H6PD: variants seen among roughly 807,000 people sequenced by gnomAD.
H6PD encodes hexose-6-phosphate dehydrogenase/glucose 1-dehydrogenase, also known as GDH/6PGL endoplasmic bifunctional protein.
In H6PD, 48 loss-of-function variants were observed where a neutral mutation model predicts 61.2. The observed-to-expected ratio is 0.78, with a 90% confidence interval of 0.62 to 1.00. The LOEUF (loss-of-function observed/expected upper bound fraction) is 1.00, where lower values mean the gene tolerates loss of function less well. H6PD is among the 50% of genes least tolerant of loss of function. The pLI, the probability that H6PD is intolerant of heterozygous loss-of-function variation, is 0.00. For missense variants in H6PD, 1,093 were observed against 1,065.0 expected (o/e 1.03, Z -0.37); for synonymous variants, 480 against 457.9 (o/e 1.05, Z -0.62).
chr1:9,253,005 C>T (rs188594912), intron 3 of H6PD, among the ~76,000 whole-genome samples: 14 of 152,288 alleles, frequency 9.2e-5, no homozygotes, highest in Non-Finnish European at 1.8e-4. Context: ...CAATATAGAT[C>T]ATTTTTAGGA....
Position 9,263,606 on chromosome 1 carries a change from C to T in H6PD, c.1113C>T (p.Ile371=). The change falls in exon 5 of 5, where the codon ATC becomes ATT. Residue 371 remains isoleucine, a synonymous_variant. Coordinates refer to ENST00000377403, the MANE Select transcript of H6PD (RefSeq NM_004285.4). ...ALDERVGYAR[I]LFKNQACCVQ... ...ACGAGAGAGTGGGCTACGCTCGGAT[C>T]TTGTTCAAGAACCAGGCCTGCTGTG... is the stretch of plus-strand genomic sequence containing the variant. The T allele has an allele frequency of 6.2e-7, 1 of 1,613,966 alleles. No individual in the cohort carries two copies. Among genetic ancestry groups the T allele is most frequent in the Non-Finnish European group, 8.5e-7 (1 of 1,179,778 alleles).
intron 4 of H6PD, among the ~76,000 whole-genome samples, chr1:9,262,803 A>G (rs745814470): frequency 1.3e-5 from 2 of 152,358 alleles, no homozygotes; most frequent in East Asian, 1.9e-4. Context: ...TAAGAGCCAC[A>G]GCTGCCTGTT....
chr1:9,253,604 C>T (rs1641433517), intron 3 of H6PD, among the ~76,000 whole-genome samples: 1 of 152,188 alleles, frequency 6.6e-6, no homozygotes, highest in Non-Finnish European at 1.5e-5. Context: ...ATGCTTCCGC[C>T]ACTGATGGCA....
At chr1:9,258,322 C>T (rs1366076290) in intron 3 of H6PD, among the ~76,000 whole-genome samples, 2 of 152,132 alleles carry the variant, frequency 1.3e-5, no homozygotes, top group African/African-American at 2.4e-5. Flanking sequence ...GATATTGTTA[C>T]GCCAGGGTTG....
chr1:9,247,527 A>G (rs1641219892), intron 3 of H6PD, among the ~76,000 whole-genome samples: 1 of 151,310 alleles, frequency 6.6e-6, no homozygotes, highest in South Asian at 2.1e-4. Context: ...ATGGCCCTCC[A>G]GGAAGACTTT....
At position 9,270,429 on chromosome 1, in the gene H6PD, T is replaced by G. The variant is rs879819298; in HGVS notation, c.*5560T>G. On this transcript the variant is annotated 3_prime_UTR_variant, in exon 5 of 5. Transcript: ENST00000377403. Reference sequence around the variant, plus strand: ...CTGTTATAAAGCGTTACGGGGCGCCTGCATGCAGGAGGAAGGACCTGTATT... The same window carrying G: ...CTGTTATAAAGCGTTACGGGGCGCCGGCATGCAGGAGGAAGGACCTGTATT... 1.1e-4 allele frequency: 16 copies of G among 152,220 alleles called. No individual in the cohort carries two copies. The highest frequency in any genetic ancestry group is 9.8e-4 in the Admixed American group (15 of 15,274). The allele number at this position is 152,220 out of a possible 1,614,324, so 9.4% of individuals were successfully genotyped here.
chr1:9,256,781 G>C (rs1203834278), intron 3 of H6PD, among the ~76,000 whole-genome samples: 1 of 152,148 alleles, frequency 6.6e-6, no homozygotes, highest in Non-Finnish European at 1.5e-5. Flanking sequence ...TTTTAAAAAA[G>C]AATTTGATTC....
Position 9,266,225 on chromosome 1 carries a change from G to A in H6PD, c.*1356G>A, listed in dbSNP as rs574568680. 1 of 152,492 alleles carries A rather than the reference G, an allele frequency of 6.6e-6. No homozygotes were observed. Among genetic ancestry groups the A allele is most frequent in the Non-Finnish European group, 1.5e-5 (1 of 68,162 alleles). 9.4% of individuals were successfully genotyped at this position (152,492 alleles called of 1,614,324 possible). On this transcript the variant is annotated 3_prime_UTR_variant, in exon 5 of 5. Transcript: ENST00000377403. ...AGCCTTTTCAGGGGCTCGCTTGGCG[G>A]GTGACGGGGCCGCAGCCAGGCCTTC...
At chr1:9,236,107 G>A (rs999175063) in intron 1 of H6PD, among the ~76,000 whole-genome samples, 7 of 152,118 alleles carry the variant, frequency 4.6e-5, no homozygotes, top group Admixed American at 3.9e-4. Context: ...TTCCACCTCA[G>A]CCTCCTGAGT....
Position 9,267,203 on chromosome 1 carries a change from GC to G in H6PD, c.*2337del, listed in dbSNP as rs1243843995. The G allele has an allele frequency of 6.6e-6, 1 of 152,176 alleles. No individual in the cohort carries two copies. The highest frequency in any genetic ancestry group is 1.5e-5 in the Non-Finnish European group (1 of 68,074). 9.4% of individuals were successfully genotyped at this position (152,176 alleles called of 1,614,324 possible). A position where few individuals can be genotyped will look rare whatever the true frequency, so the allele number is the denominator to read the frequency against. On this transcript the variant is annotated 3_prime_UTR_variant, in exon 5 of 5. Transcript: ENST00000377403. ...AGAGCCAGGAAGCCGCCCTCCTGGCGCCCAGCATCTGAGCTTCTACACGTGA... is the reference window on the plus strand; with the variant it reads ...AGAGCCAGGAAGCCGCCCTCCTGGCGCCAGCATCTGAGCTTCTACACGTGA...
chr1:9,242,133 G>A (rs1185057464), intron 1 of H6PD, among the ~76,000 whole-genome samples: 1 of 152,140 alleles, frequency 6.6e-6, no homozygotes, highest in Non-Finnish European at 1.5e-5. Flanking sequence ...CGAGGACCGC[G>A]TGTTTGTTCT....
In H6PD at chr1:9,237,236, C is replaced by CTTTTTTTTTTTTTTTTTTTTTTTT. The variant is rs370751354; in HGVS notation, c.-11+2173_-11+2196dup. ...ACCTTTGGTAAGTTATTTGACTTCT[C>CTTTTTTTTTTTTTTTTTTTTTTTT]TTTTTTTTTTTTTTTTTTTTTTTTT... On this transcript the variant is annotated intron_variant, in intron 1 of 4. Transcript: ENST00000377403. 9.8e-5 allele frequency among the ~76,000 whole-genome samples: 7 copies of CTTTTTTTTTTTTTTTTTTTTTTTT among 71,080 alleles called. 2 individuals are homozygous for CTTTTTTTTTTTTTTTTTTTTTTTT. Among genetic ancestry groups the CTTTTTTTTTTTTTTTTTTTTTTTT allele is most frequent in the East Asian group, 5.3e-4 (1 of 1,904 alleles). The allele number at this position is 71,080 out of a possible 152,430, so 46.6% of individuals were successfully genotyped here.
intron 3 of H6PD, among the ~76,000 whole-genome samples, chr1:9,258,625 T>C (rs1369005132): frequency 4.0e-5 from 6 of 150,914 alleles, no homozygotes; most frequent in Non-Finnish European, 7.4e-5. Flanking sequence ...ATGTTGCTGT[T>C]ATGCCGGTGT....
chr1:9,244,376 C>G (rs140712393), intron 1 of H6PD, among the ~76,000 whole-genome samples: 1 of 152,336 alleles, frequency 6.6e-6, no homozygotes, highest in East Asian at 1.9e-4. Flanking sequence ...GGCAGTTAGT[C>G]TGGAGTCCAT....
intron 3 of H6PD, among the ~76,000 whole-genome samples, chr1:9,260,928 C>A (rs1462461412): frequency 6.6e-6 from 1 of 152,074 alleles, no homozygotes; most frequent in Non-Finnish European, 1.5e-5. Flanking sequence ...ACTGCCCATC[C>A]CTCTGCTCAG....
At chr1:9,235,379 C>T (rs1640823752) in intron 1 of H6PD, among the ~76,000 whole-genome samples, 1 of 152,058 alleles carries the variant, frequency 6.6e-6, no homozygotes, top group Non-Finnish European at 1.5e-5. Context: ...TTCCCGTACC[C>T]GGATCTAGTG....
In H6PD at chr1:9,265,352, C is replaced by A; in HGVS notation, c.*483C>A. 3.8e-6 allele frequency: 1 copy of A among 261,122 alleles called. No homozygotes were observed. Among genetic ancestry groups the A allele is most frequent in the Non-Finnish European group, 7.5e-6 (1 of 133,882 alleles). The allele number at this position is 261,122 out of a possible 1,614,324, so 16.2% of individuals were successfully genotyped here. A position where few individuals can be genotyped will look rare whatever the true frequency, so the allele number is the denominator to read the frequency against. ...AGGCGCCCAGGGGAGTACATTGCCC[C>A]GTGCAAAGCAGGGGCATTGGGGACT... On this transcript the variant is annotated 3_prime_UTR_variant, in exon 5 of 5. Coordinates refer to ENST00000377403, the MANE Select transcript of H6PD (RefSeq NM_004285.4).
chr1:9,257,582 G>A (rs1641558757), intron 3 of H6PD, among the ~76,000 whole-genome samples: 3 of 152,154 alleles, frequency 2.0e-5, no homozygotes. Context: ...GCTGTGTTAG[G>A]GGCTAGGGAT....
At chr1:9,263,229 C>G (rs912784999) in intron 4 of H6PD, among the ~76,000 whole-genome samples, 4 of 152,210 alleles carry the variant, frequency 2.6e-5, no homozygotes, top group African/African-American at 7.2e-5. Context: ...GTTGGATGCT[C>G]TCAGCCCGGT....
Sources: allele counts gnomAD v4.1 joint callset (sites outside exome capture counted in the v4.1 genomes callset), GRCh38; gene constraint gnomAD v4.1.1; transcripts MANE v1.5; gene names NCBI Gene and HGNC (gene_info 2026-07-23, HGNC 2026-07-21).